The following HMCN1 variants were observed in gnomAD, a reference collection of about 807,000 sequenced individuals.
HMCN1 encodes the protein hemicentin-1.
Under a neutral mutation model 625.9 loss-of-function variants are expected in HMCN1, and 321 were observed. The ratio of observed to expected loss-of-function variants is 0.51; its 90% confidence interval spans 0.47 to 0.56. The LOEUF (loss-of-function observed/expected upper bound fraction) is 0.56, where lower values mean the gene tolerates loss of function less well. Among genes scored for constraint, HMCN1 ranks in the 20% least tolerant of loss-of-function variants. The probability of loss-of-function intolerance (pLI) is 0.00; values close to 1 mark genes in which losing one functional copy is unlikely to be tolerated. For missense variants in HMCN1, 6,588 were observed against 6,887.3 expected (o/e 0.96, Z 1.54); for synonymous variants, 2,425 against 2,417.6 (o/e 1.00, Z -0.09).
intron 1 of HMCN1, among the ~76,000 whole-genome samples, chr1:185,826,923 A>T (rs1660550473): frequency 1.3e-5 from 2 of 151,916 alleles, no homozygotes; most frequent in Admixed American, 1.3e-4. Context: ...ATCTTTTTTT[A>T]AAAAATTGCT....
intron 36 of HMCN1, among the ~76,000 whole-genome samples, chr1:186,029,351 G>A (rs905417350): frequency 2.6e-5 from 4 of 152,032 alleles, no homozygotes; most frequent in African/African-American, 9.7e-5. Flanking sequence ...TTCTTGAGTT[G>A]AACGTTAAAA....
intron 25 of HMCN1, among the ~76,000 whole-genome samples, chr1:185,997,785 C>A (rs1224691811): frequency 4.6e-5 from 7 of 151,530 alleles, no homozygotes; most frequent in Non-Finnish European, 7.4e-5. Context: ...CAGTTCAGAT[C>A]CTTCCTGCTA....
intron 48 of HMCN1, among the ~76,000 whole-genome samples, chr1:186,063,131 A>T (rs910337662): frequency 2.3e-5 from 3 of 129,362 alleles, no homozygotes; most frequent in Non-Finnish European, 4.7e-5. Context: ...ACCTCTGTTA[A>T]TGGACACTTA....
intron 1 of HMCN1, among the ~76,000 whole-genome samples, chr1:185,773,391 C>T (rs752385414): frequency 3.3e-5 from 5 of 152,118 alleles, no homozygotes; most frequent in Non-Finnish European, 7.4e-5. Context: ...TGGGAATGAG[C>T]ATGGGGCTAA....
chr1:186,175,034 T>C (rs1276012649), intron 103 of HMCN1, among the ~76,000 whole-genome samples: 3 of 152,212 alleles, frequency 2.0e-5, no homozygotes, highest in Non-Finnish European at 2.9e-5. Context: ...TATGAAAGTT[T>C]AGGTGTGAGG....
At chr1:185,853,724 T>C (rs1662300088) in intron 2 of HMCN1, among the ~76,000 whole-genome samples, 1 of 152,190 alleles carries the variant, frequency 6.6e-6, no homozygotes. Context: ...TGATCTTTTG[T>C]GTAAACTTCA....
At chr1:185,810,349 A>G (rs539984519) in intron 1 of HMCN1, among the ~76,000 whole-genome samples, 231 of 152,294 alleles carry the variant, frequency 1.5e-3, no homozygotes, top group Non-Finnish European at 2.3e-3. Flanking sequence ...AAACTTGTCA[A>G]ATATAATCAA....
chr1:186,052,742 T>A (rs1034507892), intron 42 of HMCN1, among the ~76,000 whole-genome samples: 4 of 152,074 alleles, frequency 2.6e-5, no homozygotes, highest in Non-Finnish European at 4.4e-5. Flanking sequence ...CTGAATATTT[T>A]GAAAAATTTA....
At chr1:185,995,519 C>T (rs1281439812) in intron 24 of HMCN1, among the ~76,000 whole-genome samples, 1 of 152,224 alleles carries the variant, frequency 6.6e-6, no homozygotes, top group Non-Finnish European at 1.5e-5. Context: ...ATGTTTATTT[C>T]TTCAAGCAAC....
chr1:186,074,622 T>G (rs187175414), intron 52 of HMCN1, 119 bp from the exon 53 acceptor site: 1 of 834,872 alleles, frequency 1.2e-6, no homozygotes, highest in East Asian at 2.7e-5. Context: ...TTGTCATGAA[T>G]GTTTTGCATA....
intron 4 of HMCN1, among the ~76,000 whole-genome samples, chr1:185,887,872 C>T (rs113720014): frequency 0.035 from 4,260 of 121,276 alleles, 258 homozygotes; most frequent in African/African-American, 0.13. Context: ...AGATCCCTGA[C>T]GAATCGCCAC....
At chr1:185,987,241 A>G (rs573148070) in intron 19 of HMCN1, among the ~76,000 whole-genome samples, 191 bp from the exon 20 acceptor site, 5 of 152,254 alleles carry the variant, frequency 3.3e-5, no homozygotes, top group African/African-American at 1.2e-4. Flanking sequence ...CATTTTTCAG[A>G]TCATAACTAC....
In HMCN1 at chr1:186,052,963, A is replaced by G; in HGVS notation, c.6589A>G (p.Ile2197Val). ...YNVNIWVPPNIGGSDELTQLT... is the reference protein window; with the variant it reads ...YNVNIWVPPNVGGSDELTQLT... The stretch of plus-strand genomic sequence containing the variant: ...TTATTTTTTTCTAGTCCCCCCAAAT[A>G]TTGGTGGTTCTGATGAACTTACTCA... The change falls in exon 43 of 107, where the codon ATT (isoleucine) becomes GTT (valine). Residue 2197 changes from isoleucine (I) to valine (V), a missense_variant. Ile to Val is a conservative substitution (Grantham distance 29, BLOSUM62 3). Coordinates refer to ENST00000271588, the MANE Select transcript of HMCN1 (RefSeq NM_031935.3). 6.2e-7 allele frequency: 1 copy of G among 1,604,414 alleles called. No homozygotes were observed. Among genetic ancestry groups the G allele is most frequent in the Non-Finnish European group, 8.5e-7 (1 of 1,171,940 alleles).
At chr1:186,031,284 G>T (rs1295446229) in intron 36 of HMCN1, among the ~76,000 whole-genome samples, 1 of 151,850 alleles carries the variant, frequency 6.6e-6, no homozygotes, top group South Asian at 2.1e-4. Flanking sequence ...AGATTTTCTG[G>T]ATATGAAATT....
rs1657729123 is a variant in HMCN1 at position 186,061,898 on chromosome 1, C to A, written c.7360C>A (p.Gln2454Lys). The A allele has an allele frequency of 1.9e-6, 3 of 1,613,018 alleles. No homozygotes were observed. ...LMQTTMEDAG[Q>K]YTCVVRNAAG... ...GCAGACCACAATGGAAGATGCTGGC[C>A]AATATACTTGCGTTGTAAGGAATGC... The change falls in exon 47 of 107, where the codon CAA becomes AAA. Residue 2454 changes from glutamine (Q) to lysine (K), a missense_variant. By Grantham distance (53) the Gln-to-Lys change is moderately conservative. Around this residue, in one of 3 missense-constraint regions of HMCN1, gnomAD observed 4,628 missense variants for 4,853.1 expected, o/e 0.95. Coordinates refer to ENST00000271588, the MANE Select transcript of HMCN1 (RefSeq NM_031935.3).
intron 75 of HMCN1, 111 bp from the exon 76 acceptor site, chr1:186,116,883 A>C: frequency 8.2e-7 from 1 of 1,224,868 alleles, no homozygotes; most frequent in South Asian, 1.2e-5. Context: ...TTTTAACATG[A>C]GGGAAGAGTA....
rs1657135004 is a variant in HMCN1, at chr1:186,053,898, T to C, written c.6774T>C (p.Ile2258=). The C allele has an allele frequency of 6.2e-7, 1 of 1,612,666 alleles. No individual in the cohort carries two copies. The highest frequency in any genetic ancestry group is 1.3e-5 in the African/African-American group (1 of 74,850). Reference sequence around the variant, plus strand: ...GGGGCAGGCAATTACAAATTTCAATTGCTGAAAAGTCTGATGCAGCACTCT... The same window carrying C: ...GGGGCAGGCAATTACAAATTTCAATCGCTGAAAAGTCTGATGCAGCACTCT... ...LSGGRQLQIS[I]AEKSDAALYS... is the part of the protein sequence containing the mutation. The change falls in exon 44 of 107, where the codon ATT becomes ATC. Residue 2258 remains isoleucine (I), a synonymous_variant. Coordinates refer to ENST00000271588, the MANE Select transcript of HMCN1 (RefSeq NM_031935.3).
intron 92 of HMCN1, 22 bp from the exon 93 acceptor site, chr1:186,145,731 A>T: frequency 6.2e-7 from 1 of 1,614,024 alleles, no homozygotes; most frequent in Non-Finnish European, 8.5e-7. Context: ...CTTAACAGTG[A>T]CCATTCCATT....
intron 71 of HMCN1, among the ~76,000 whole-genome samples, chr1:186,110,361 G>C (rs1341536322): frequency 1.3e-5 from 2 of 152,276 alleles, no homozygotes; most frequent in Non-Finnish European, 2.9e-5. Flanking sequence ...AGATGCATGA[G>C]ACTGAGAAGG....
Sources: allele counts gnomAD v4.1 joint callset (sites outside exome capture counted in the v4.1 genomes callset), GRCh38; gene constraint gnomAD v4.1.1; regional missense constraint gnomAD v4.1.1; transcripts MANE v1.5; gene names NCBI Gene and HGNC (gene_info 2026-07-23, HGNC 2026-07-21).